The following ZNF589 variants were observed in gnomAD, a reference collection of about 807,000 sequenced individuals.
ZNF589 encodes KRAB-zinc finger protein SZF1-1.
Under a neutral mutation model 13.6 loss-of-function variants are expected in ZNF589, and 17 were observed. The observed-to-expected ratio is 1.25, with a 90% CI of 0.86 to 1.88. The LOEUF is 1.88. Among genes scored for constraint, ZNF589 ranks in the 40% most tolerant of loss-of-function variants. The probability of loss-of-function intolerance (pLI) is 0.00; values close to 1 mark genes in which losing one functional copy is unlikely to be tolerated. For missense variants in ZNF589, 407 were observed against 434.0 expected (o/e 0.94, Z 0.55); for synonymous variants, 148 against 161.6 (o/e 0.92, Z 0.64).
chr3:48,264,747 T>G (rs1213038016), intron 3 of ZNF589, among the ~76,000 whole-genome samples: 1 of 151,978 alleles, frequency 6.6e-6, no homozygotes, highest in African/African-American at 2.4e-5. Flanking sequence ...AAGAATTGCT[T>G]GAACCTGGGA....
intron 1 of ZNF589, among the ~76,000 whole-genome samples, chr3:48,241,876 G>C (rs2033702332): frequency 6.6e-6 from 1 of 151,932 alleles, no homozygotes; most frequent in South Asian, 2.1e-4. Flanking sequence ...GTGCAGTGGC[G>C]GGATCTAGGC....
intron 2 of ZNF589, among the ~76,000 whole-genome samples, chr3:48,250,844 T>A (rs1413714920): frequency 6.6e-6 from 1 of 152,196 alleles, no homozygotes; most frequent in Non-Finnish European, 1.5e-5. Flanking sequence ...TTTCTTAACG[T>A]CTTTTGATGA....
At chr3:48,251,289 C>T (rs188879486) in intron 2 of ZNF589, among the ~76,000 whole-genome samples, 1 of 151,764 alleles carries the variant, frequency 6.6e-6, no homozygotes, top group East Asian at 1.9e-4. Context: ...TCCAGCTACT[C>T]GGGAGGCTGA....
At chr3:48,267,550 C>T (rs899189064) in intron 3 of ZNF589, among the ~76,000 whole-genome samples, 6 of 152,148 alleles carry the variant, frequency 3.9e-5, no homozygotes, top group African/African-American at 7.2e-5. Context: ...GCGCCCGTCA[C>T]TCCACCCAGC....
chr3:48,255,371 T>C (rs2033886780), intron 2 of ZNF589, among the ~76,000 whole-genome samples: 1 of 151,934 alleles, frequency 6.6e-6, no homozygotes, highest in Admixed American at 6.6e-5. Flanking sequence ...AGACGGGGTT[T>C]CACCATGTTG....
intron 2 of ZNF589, among the ~76,000 whole-genome samples, chr3:48,255,407 C>T (rs1226569861): frequency 2.0e-5 from 3 of 151,226 alleles, no homozygotes; most frequent in Non-Finnish European, 4.4e-5. Flanking sequence ...AGCTCCTGAC[C>T]TCAAGTGATC....
chr3:48,252,068 G>A (rs1318168973), intron 2 of ZNF589, among the ~76,000 whole-genome samples: 1 of 151,858 alleles, frequency 6.6e-6, no homozygotes, highest in Non-Finnish European at 1.5e-5. Flanking sequence ...TTGTGGGTCT[G>A]TTTTCTCGGT....
At chr3:48,267,798 T>A (rs1238011745) in intron 3 of ZNF589, 117 bp from the exon 4 acceptor site, 6 of 1,058,652 alleles carry the variant, frequency 5.7e-6, no homozygotes, top group Non-Finnish European at 8.1e-6. Context: ...GCACAGCACA[T>A]CTTGGGGAGA....
At position 48,268,695 on chromosome 3, in the gene ZNF589, C is replaced by T. The variant is rs1409118991; in HGVS notation, c.1004C>T (p.Thr335Ile). Residue 335 changes from threonine (T) to isoleucine (I), a missense_variant, in exon 4 of 4, where the codon ACA becomes ATA. Coordinates refer to ENST00000354698, the MANE Select transcript of ZNF589 (RefSeq NM_016089.3). Reference sequence around the variant, plus strand: ...ACAAGGGAGAAATCGTTTATGTGCACAGTGTGTGGGCGAGGCTTTCGTGAA... The same window carrying T: ...ACAAGGGAGAAATCGTTTATGTGCATAGTGTGTGGGCGAGGCTTTCGTGAA... Reference protein sequence around the residue: ...THTREKSFMCTVCGRGFREKS... With the variant: ...THTREKSFMCIVCGRGFREKS... 1 of 1,610,842 alleles carries T rather than the reference C, an allele frequency of 6.2e-7. No homozygotes were observed. The highest frequency in any genetic ancestry group is 1.7e-5 in the Admixed American group (1 of 59,644).
At chr3:48,259,937 A>G (rs2033951335) in intron 2 of ZNF589, among the ~76,000 whole-genome samples, 1 of 148,654 alleles carries the variant, frequency 6.7e-6, no homozygotes, top group South Asian at 2.2e-4. Context: ...AAAAAAAAAA[A>G]TCTAGGGCAA....
intron 3 of ZNF589, among the ~76,000 whole-genome samples, chr3:48,263,765 A>G (rs1434169396): frequency 6.6e-6 from 1 of 151,964 alleles, no homozygotes; most frequent in East Asian, 1.9e-4. Flanking sequence ...TCTTGGAGAG[A>G]AAAAAAACAC....
chr3:48,260,632 C>G (rs186450710), intron 2 of ZNF589, among the ~76,000 whole-genome samples, 181 bp from the exon 3 acceptor site: 1 of 152,182 alleles, frequency 6.6e-6, no homozygotes, highest in African/African-American at 2.4e-5. Flanking sequence ...TGGTCTCGAA[C>G]TCCTGACCTC....
chr3:48,268,370 A>G lies in ZNF589; in HGVS notation c.679A>G (p.Lys227Glu). ...FGECALAFNQ[K>E]SNLFRQKAVT... ...GGAGTGTGCACTAGCTTTTAACCAGAAGTCAAACCTGTTCAGACAGAAGGC... is the reference window on the plus strand; with the variant it reads ...GGAGTGTGCACTAGCTTTTAACCAGGAGTCAAACCTGTTCAGACAGAAGGC... The change falls in exon 4 of 4, where the codon AAG (lysine) becomes GAG (glutamate). Residue 227 changes from lysine to glutamate, a missense_variant. Transcript: ENST00000354698. The G allele has an allele frequency of 6.2e-7, 1 of 1,614,170 alleles. No individual in the cohort carries two copies. The highest frequency in any genetic ancestry group is 8.5e-7 in the Non-Finnish European group (1 of 1,180,010).
intron 3 of ZNF589, 122 bp downstream of exon 3, chr3:48,261,061 C>A: frequency 1.8e-6 from 2 of 1,121,460 alleles, no homozygotes; most frequent in Non-Finnish European, 2.6e-6. Flanking sequence ...AGCATTTCTT[C>A]TCTCGTGGAG....
chr3:48,244,826 C>A (rs891455420), intron 1 of ZNF589, among the ~76,000 whole-genome samples: 1 of 99,246 alleles, frequency 1.0e-5, no homozygotes, highest in East Asian at 2.8e-4. Flanking sequence ...TTTTTTTTTT[C>A]TTTGAGATGG....
At chr3:48,252,624 T>TC (rs1000166995) in intron 2 of ZNF589, among the ~76,000 whole-genome samples, 1 of 142,456 alleles carries the variant, frequency 7.0e-6, no homozygotes, top group African/African-American at 2.6e-5. Context: ...TATCTTTTTT[T>TC]TTTTTTTTTT....
chr3:48,266,909 C>T (rs532344516), intron 3 of ZNF589, among the ~76,000 whole-genome samples: 2 of 152,300 alleles, frequency 1.3e-5, no homozygotes, highest in South Asian at 4.1e-4. Flanking sequence ...ACTGAGAGAA[C>T]AGTCTTTATG....
intron 3 of ZNF589, 22 bp from the exon 4 acceptor site, chr3:48,267,893 A>C (rs2034036453): frequency 1.9e-6 from 3 of 1,586,362 alleles, no homozygotes; most frequent in Non-Finnish European, 2.6e-6. Context: ...GACTCTTCTG[A>C]CTGGAAACTT....
chr3:48,262,314 C>T (rs796470301), intron 3 of ZNF589, among the ~76,000 whole-genome samples: 35 of 152,088 alleles, frequency 2.3e-4, no homozygotes, highest in East Asian at 1.9e-3. Context: ...CTCAGCCTCC[C>T]GAGTAGCTGG....
Sources: gnomAD v4.1 joint callset for allele counts (sites outside exome capture counted in the v4.1 genomes callset) on GRCh38, gnomAD v4.1.1 for gene constraint, MANE v1.5 for transcripts, NCBI Gene and HGNC (gene_info 2026-07-23, HGNC 2026-07-21) for gene names.